DISP1: variants seen among roughly 807,000 people sequenced by gnomAD.
DISP1 encodes protein dispatched homolog 1.
Under a neutral mutation model 37.3 loss-of-function variants are expected in DISP1, and 30 were observed. That is an observed-to-expected ratio of 0.80 (90% confidence interval 0.60 to 1.09). The LOEUF (loss-of-function observed/expected upper bound fraction) is 1.09. DISP1 is among the 50% of genes least tolerant of loss of function. DISP1 has a pLI of 0.00. For synonymous variants in DISP1, 634 were observed against 690.2 expected (o/e 0.92, Z 1.28); for missense variants, 1,598 against 1,879.5 (o/e 0.85, Z 2.77).
chr1:222,896,902 G>A (rs1351632361), intron 1 of DISP1, among the ~76,000 whole-genome samples: 6 of 152,202 alleles, frequency 3.9e-5, no homozygotes, highest in Non-Finnish European at 8.8e-5. Context: ...AGGATTTCAA[G>A]TATCAGAGAG....
At chr1:222,979,714 C>T (rs1360789646) in intron 3 of DISP1, 4 of 468,742 alleles carry the variant, frequency 8.5e-6, no homozygotes, top group African/African-American at 8.0e-5. Flanking sequence ...TAAGCCCTCA[C>T]CAGCTCACTG....
chr1:222,987,046 G>GATATAT (rs67964109), intron 4 of DISP1, among the ~76,000 whole-genome samples: 93 of 146,126 alleles, frequency 6.4e-4, no homozygotes, highest in South Asian at 1.8e-3. Context: ...ACAGGATATG[G>GATATAT]ATATATATAT....
At chr1:222,936,768 TTATA>T (rs540742727) in intron 2 of DISP1, among the ~76,000 whole-genome samples, 1 of 67,616 alleles carries the variant, frequency 1.5e-5, no homozygotes, top group Non-Finnish European at 2.9e-5. Context: ...TATATAAAAA[TTATA>T]TATATCATAT....
rs186513082 is a variant in DISP1, at chr1:222,877,280, C to T, written c.-158-51150C>T. ...AAGAAAAATAGGTTTAATGGATTTA[C>T]AGTTCTCCATGGCTGGGGAGGCTTA... On this transcript the variant is annotated intron_variant, in intron 1 of 8. Transcript: ENST00000675850. Among the ~76,000 whole-genome samples, 159 of 152,276 alleles carry T rather than the reference C, an allele frequency of 1.0e-3. 1 individual carries two copies. The highest frequency in any genetic ancestry group is 3.6e-3 in the African/African-American group (150 of 41,556).
intron 1 of DISP1, among the ~76,000 whole-genome samples, chr1:222,856,348 T>C (rs1668544932): frequency 6.6e-6 from 1 of 152,238 alleles, no homozygotes; most frequent in Admixed American, 6.5e-5. Flanking sequence ...CTGTTTTTAA[T>C]TTTCCTTTTC....
intron 3 of DISP1, among the ~76,000 whole-genome samples, chr1:222,946,760 T>G (rs1048343126): frequency 3.3e-5 from 5 of 152,140 alleles, no homozygotes; most frequent in Non-Finnish European, 5.9e-5. Context: ...GGAGAGAGAA[T>G]TGAAGAGGCT....
At chr1:222,984,953 A>C (rs1171182241) in intron 4 of DISP1, among the ~76,000 whole-genome samples, 1 of 152,176 alleles carries the variant, frequency 6.6e-6, no homozygotes, top group Non-Finnish European at 1.5e-5. Flanking sequence ...TTCATGTAGC[A>C]TGTATTAGAA....
intron 1 of DISP1, among the ~76,000 whole-genome samples, chr1:222,873,156 T>C (rs1669689856): frequency 1.3e-5 from 2 of 152,190 alleles, no homozygotes; most frequent in Non-Finnish European, 2.9e-5. Context: ...TTATAATTTC[T>C]GTTCTTTTAC....
chr1:222,849,640 A>C (rs934166623), intron 1 of DISP1, among the ~76,000 whole-genome samples: 1 of 152,206 alleles, frequency 6.6e-6, no homozygotes, highest in East Asian at 1.9e-4. Context: ...AGTGAGTATT[A>C]GCACATACTA....
intron 1 of DISP1, among the ~76,000 whole-genome samples, chr1:222,919,795 C>T (rs1001586900): frequency 1.3e-5 from 2 of 152,168 alleles, no homozygotes; most frequent in African/African-American, 2.4e-5. Flanking sequence ...ATGTTTTCTA[C>T]GTTAGAGCTT....
chr1:222,971,132 T>C (rs1676916096), intron 3 of DISP1, among the ~76,000 whole-genome samples: 1 of 152,140 alleles, frequency 6.6e-6, no homozygotes, highest in Admixed American at 6.6e-5. Flanking sequence ...CTTTGATCCT[T>C]ATTAAAGCTT....
At chr1:222,860,060 T>C (rs1430264374) in intron 1 of DISP1, among the ~76,000 whole-genome samples, 1 of 152,220 alleles carries the variant, frequency 6.6e-6, no homozygotes, top group Non-Finnish European at 1.5e-5. Context: ...TTTTCTGTTT[T>C]GTTTTGTTTT....
At chr1:222,939,830 CAAA>C (rs1327970273) in intron 2 of DISP1, among the ~76,000 whole-genome samples, 1 of 114,062 alleles carries the variant, frequency 8.8e-6, no homozygotes, top group Non-Finnish European at 1.8e-5. Flanking sequence ...GAGATCCTGT[CAAA>C]AAAAAAAAAA....
At chr1:222,950,997 A>G (rs964675420) in intron 3 of DISP1, among the ~76,000 whole-genome samples, 3 of 152,240 alleles carry the variant, frequency 2.0e-5, no homozygotes, top group African/African-American at 7.2e-5. Context: ...CAGACTCATT[A>G]TCATGATAGG....
chr1:222,966,851 G>T (rs1271700826), intron 3 of DISP1, among the ~76,000 whole-genome samples: 3 of 150,462 alleles, frequency 2.0e-5, no homozygotes, highest in Non-Finnish European at 4.4e-5. Context: ...TGATGTAAGG[G>T]ATTTAAGAAC....
chr1:222,854,324 A>G (rs541947367), intron 1 of DISP1, among the ~76,000 whole-genome samples: 1 of 152,310 alleles, frequency 6.6e-6, no homozygotes, highest in African/African-American at 2.4e-5. Flanking sequence ...AAGCCTCAGG[A>G]AACTTACAAT....
intron 2 of DISP1, among the ~76,000 whole-genome samples, chr1:222,932,967 C>T (rs1265497814): frequency 2.0e-5 from 3 of 151,928 alleles, no homozygotes; most frequent in Non-Finnish European, 4.4e-5. Flanking sequence ...TCTGTTCCCA[C>T]ATAGACCAAA....
chr1:222,896,556 G>A (rs561484273), intron 1 of DISP1, among the ~76,000 whole-genome samples: 2 of 149,330 alleles, frequency 1.3e-5, no homozygotes, highest in East Asian at 3.9e-4. Flanking sequence ...AGCTGAGATC[G>A]CACCATTGCA....
intron 1 of DISP1, among the ~76,000 whole-genome samples, chr1:222,902,308 C>T (rs917917778): frequency 1.3e-5 from 2 of 152,246 alleles, no homozygotes; most frequent in African/African-American, 4.8e-5. Flanking sequence ...CTGTAAATTT[C>T]CCTCTACACA....
Sources: allele counts gnomAD v4.1 joint callset (sites outside exome capture counted in the v4.1 genomes callset), GRCh38; gene constraint gnomAD v4.1.1; transcripts MANE v1.5; gene names NCBI Gene and HGNC (gene_info 2026-07-23, HGNC 2026-07-21).